Variants in UBE2E2 observed in about 807,000 individuals in gnomAD.
UBE2E2 encodes ubiquitin conjugating enzyme E2 E2.
UBE2E2 carries 6 observed loss-of-function variants against 24.7 expected under a neutral mutation model. That is an observed-to-expected ratio of 0.24 (90% CI 0.13 to 0.48). The LOEUF is 0.48. Ranked by LOEUF, UBE2E2 falls within the 20% of genes least tolerant of loss-of-function variation. UBE2E2 has a pLI of 0.99. For synonymous variants in UBE2E2, 104 were observed against 83.6 expected (o/e 1.24, Z -1.33); for missense variants, 169 against 245.0 (o/e 0.69, Z 2.07).
At chr3:23,273,016 G>A (rs1698287742) in intron 3 of UBE2E2, among the ~76,000 whole-genome samples, 2 of 152,084 alleles carry the variant, frequency 1.3e-5, no homozygotes, top group Non-Finnish European at 2.9e-5. Context: ...ACATTAGGGA[G>A]GGCAATTTGC....
intron 3 of UBE2E2, among the ~76,000 whole-genome samples, chr3:23,405,700 C>T (rs1460794064): frequency 6.6e-6 from 1 of 152,102 alleles, no homozygotes; most frequent in East Asian, 1.9e-4. Flanking sequence ...AGAAGCAGTT[C>T]TAGTGAGATG....
At chr3:23,405,265 C>G (rs1697328314) in intron 3 of UBE2E2, among the ~76,000 whole-genome samples, 1 of 152,114 alleles carries the variant, frequency 6.6e-6, no homozygotes, top group African/African-American at 2.4e-5. Flanking sequence ...GCCTTTGTAT[C>G]ATTTTTTAAA....
intron 3 of UBE2E2, among the ~76,000 whole-genome samples, chr3:23,266,243 G>A (rs1362347666): frequency 7.9e-5 from 12 of 152,132 alleles, no homozygotes; most frequent in African/African-American, 1.2e-4. Context: ...TCCTAGCCTC[G>A]ATGGTCTTTA....
At chr3:23,578,830 T>G (rs1248667840) in intron 5 of UBE2E2, among the ~76,000 whole-genome samples, 2 of 152,114 alleles carry the variant, frequency 1.3e-5, no homozygotes, top group African/African-American at 4.8e-5. Context: ...CTGGGATTAA[T>G]ACCTAGGTGA....
At chr3:23,293,815 G>A (rs1013169753) in intron 3 of UBE2E2, among the ~76,000 whole-genome samples, 2 of 152,108 alleles carry the variant, frequency 1.3e-5, no homozygotes, top group Non-Finnish European at 2.9e-5. Context: ...CATAAACTTT[G>A]TTTTTTAAAT....
At chr3:23,427,663 C>T (rs973804842) in intron 3 of UBE2E2, among the ~76,000 whole-genome samples, 2 of 152,112 alleles carry the variant, frequency 1.3e-5, no homozygotes, top group African/African-American at 4.8e-5. Flanking sequence ...TTTATGTTGT[C>T]TATAAGAATC....
At chr3:23,313,876 C>T (rs1424483932) in intron 3 of UBE2E2, among the ~76,000 whole-genome samples, 5 of 151,956 alleles carry the variant, frequency 3.3e-5, no homozygotes, top group Non-Finnish European at 5.9e-5. Flanking sequence ...GTGATTTTCT[C>T]TGGTGGTATG....
chr3:23,349,782 T>C (rs1247976200), intron 3 of UBE2E2, among the ~76,000 whole-genome samples: 1 of 152,244 alleles, frequency 6.6e-6, no homozygotes, highest in African/African-American at 2.4e-5. Flanking sequence ...TGCCTGCCTC[T>C]GTAGGCTCCA....
intron 3 of UBE2E2, among the ~76,000 whole-genome samples, chr3:23,320,158 C>G (rs563953441): frequency 1.3e-5 from 2 of 152,162 alleles, no homozygotes; most frequent in South Asian, 4.1e-4. Flanking sequence ...TCATCTTTCT[C>G]CCCTTAGTTT....
At chr3:23,529,216 C>T (rs1391481709) in intron 4 of UBE2E2, among the ~76,000 whole-genome samples, 1 of 152,102 alleles carries the variant, frequency 6.6e-6, no homozygotes, top group African/African-American at 2.4e-5. Flanking sequence ...TGTGTGTTGA[C>T]TGGTGGTATT....
chr3:23,328,905 G>T (rs776624339), intron 3 of UBE2E2, among the ~76,000 whole-genome samples: 5 of 151,984 alleles, frequency 3.3e-5, no homozygotes, highest in Admixed American at 3.3e-4. Context: ...CAAATGATCC[G>T]CCCACCTCGG....
intron 3 of UBE2E2, among the ~76,000 whole-genome samples, chr3:23,285,651 C>G (rs1698599960): frequency 6.6e-6 from 1 of 152,144 alleles, no homozygotes; most frequent in South Asian, 2.1e-4. Context: ...TTTCATATGG[C>G]TGTTTGCCAT....
chr3:23,383,566 A>T (rs1696731078), intron 3 of UBE2E2, among the ~76,000 whole-genome samples: 5 of 152,106 alleles, frequency 3.3e-5, no homozygotes, highest in Admixed American at 3.3e-4. Flanking sequence ...ATTATGGATT[A>T]AATTGGCATC....
intron 3 of UBE2E2, among the ~76,000 whole-genome samples, chr3:23,362,641 A>T (rs1371690057): frequency 6.6e-6 from 1 of 152,160 alleles, no homozygotes; most frequent in East Asian, 1.9e-4. Flanking sequence ...CCCCTGCCAC[A>T]GGTAGCCAGG....
chr3:23,482,327 T>C (rs1457001542), intron 3 of UBE2E2, among the ~76,000 whole-genome samples: 1 of 152,170 alleles, frequency 6.6e-6, no homozygotes, highest in Admixed American at 6.5e-5. Context: ...TTTATGAATA[T>C]ACCAAAAGCC....
intron 3 of UBE2E2, among the ~76,000 whole-genome samples, chr3:23,462,806 G>A (rs1424360751): frequency 6.6e-6 from 1 of 152,112 alleles, no homozygotes; most frequent in Non-Finnish European, 1.5e-5. Flanking sequence ...ACGTCAGGGG[G>A]TAACTGTAAC....
chr3:23,378,652 T>C (rs890868480), intron 3 of UBE2E2, among the ~76,000 whole-genome samples: 21 of 151,926 alleles, frequency 1.4e-4, no homozygotes, highest in Non-Finnish European at 8.8e-5. Flanking sequence ...GCAAGTGAAT[T>C]GGCTTCTGTT....
At chr3:23,302,485 A>G (rs1421369724) in intron 3 of UBE2E2, among the ~76,000 whole-genome samples, 1 of 152,180 alleles carries the variant, frequency 6.6e-6, no homozygotes, top group Non-Finnish European at 1.5e-5. Context: ...CATGCTTTTC[A>G]GGAATCTTCT....
chr3:23,390,342 A>G (rs1340161694), intron 3 of UBE2E2, among the ~76,000 whole-genome samples: 1 of 152,148 alleles, frequency 6.6e-6, no homozygotes, highest in East Asian at 1.9e-4. Context: ...GAACATCAAG[A>G]GGAGTCGCAG....
Sources: allele counts gnomAD v4.1 joint callset (sites outside exome capture counted in the v4.1 genomes callset), GRCh38; gene constraint gnomAD v4.1.1; transcripts MANE v1.5; gene names NCBI Gene and HGNC (gene_info 2026-07-23, HGNC 2026-07-21).